RNF130: variants seen among roughly 807,000 people sequenced by gnomAD.
RNF130 encodes E3 ubiquitin-protein ligase RNF130.
RNF130 carries 21 observed loss-of-function variants against 44.6 expected under a neutral mutation model. That is an observed-to-expected ratio of 0.47 (90% CI 0.33 to 0.68). The LOEUF (loss-of-function observed/expected upper bound fraction) is 0.68, where lower values mean the gene tolerates loss of function less well. Ranked by LOEUF, RNF130 falls within the 30% of genes least tolerant of loss-of-function variation. The pLI, the probability that RNF130 is intolerant of heterozygous loss-of-function variation, is 0.02. For missense variants in RNF130, 479 were observed against 560.6 expected (o/e 0.85, Z 1.47); for synonymous variants, 214 against 210.4 (o/e 1.02, Z -0.15).
At chr5:179,918,993 CTTCG>C in exon 8 of RNF130, 1 of 152,352 alleles carries the variant, frequency 6.6e-6, no homozygotes, top group Admixed American at 6.5e-5. Flanking sequence ...CACGCATCTG[CTTCG>C]TTTGCTGTCG....
intron 3 of RNF130, among the ~76,000 whole-genome samples, chr5:180,012,465 CG>C (rs35013583): frequency 6.6e-6 from 1 of 152,082 alleles, no homozygotes; most frequent in African/African-American, 2.4e-5. Flanking sequence ...GCCCTCACAC[CG>C]GGGAAGCACA....
downstream of RNF130, among the ~76,000 whole-genome samples, chr5:179,951,928 A>G (rs1411568967): frequency 6.6e-6 from 1 of 152,194 alleles, no homozygotes; most frequent in Non-Finnish European, 1.5e-5. Context: ...GGAAATTTAT[A>G]GCTATAAACA....
At chr5:179,929,747 CA>C (rs34934872) in intron 7 of RNF130, among the ~76,000 whole-genome samples, 30 of 147,940 alleles carry the variant, frequency 2.0e-4, no homozygotes, top group Middle Eastern at 3.5e-3. Context: ...GACTGTGTCT[CA>C]AAAAAAAAAA....
At chr5:179,947,012 T>C (rs1248443672) in intron 7 of RNF130, among the ~76,000 whole-genome samples, 1 of 152,138 alleles carries the variant, frequency 6.6e-6, no homozygotes, top group Non-Finnish European at 1.5e-5. Flanking sequence ...AACACCTCTC[T>C]CCCTGAGGAT....
intron 1 of RNF130, among the ~76,000 whole-genome samples, chr5:180,065,971 T>C (rs1765098211): frequency 6.6e-6 from 1 of 152,320 alleles, no homozygotes; most frequent in Admixed American, 6.5e-5. Context: ...GCAGACTTTA[T>C]AAAATTATTC....
chr5:180,016,109 C>T (rs1221464188), intron 2 of RNF130, among the ~76,000 whole-genome samples: 4 of 151,354 alleles, frequency 2.6e-5, no homozygotes, highest in African/African-American at 4.9e-5. Flanking sequence ...CCGACCCTGC[C>T]GATCGGGCAG....
intron 7 of RNF130, among the ~76,000 whole-genome samples, chr5:179,935,976 C>T (rs1046406910): frequency 5.9e-5 from 9 of 152,298 alleles, no homozygotes; most frequent in South Asian, 2.1e-4. Flanking sequence ...TCTCACACAT[C>T]GAGCAGCACT....
exon 8 of RNF130, chr5:179,919,809 C>T (rs1320634539): frequency 6.5e-6 from 1 of 153,042 alleles, no homozygotes; most frequent in Non-Finnish European, 1.5e-5. Flanking sequence ...CTCTCAACCC[C>T]CTTTAGAAGG....
At chr5:180,042,636 T>C (rs887171840) in intron 1 of RNF130, among the ~76,000 whole-genome samples, 3 of 152,246 alleles carry the variant, frequency 2.0e-5, no homozygotes, top group Non-Finnish European at 4.4e-5. Context: ...TGTCTAATAC[T>C]GTATCCAAAC....
intron 1 of RNF130, among the ~76,000 whole-genome samples, chr5:180,053,804 C>T (rs1764740632): frequency 6.7e-6 from 1 of 149,262 alleles, no homozygotes; most frequent in African/African-American, 2.5e-5. Flanking sequence ...AGTGCAGAGA[C>T]TGTAAAAAAG....
intron 3 of RNF130, among the ~76,000 whole-genome samples, chr5:180,003,644 T>C (rs1395305778): frequency 6.6e-6 from 1 of 152,238 alleles, no homozygotes; most frequent in African/African-American, 2.4e-5. Flanking sequence ...TCTATGTATG[T>C]GTGTACAATT....
intron 5 of RNF130, among the ~76,000 whole-genome samples, chr5:179,971,700 A>G (rs1399889985): frequency 1.3e-5 from 2 of 152,208 alleles, no homozygotes; most frequent in Non-Finnish European, 2.9e-5. Context: ...TAAGATGCCA[A>G]ATTGAATCAT....
chr5:179,955,639 C>G lies in RNF130; in HGVS notation c.*15G>C. The G allele has an allele frequency of 1.9e-6, 3 of 1,582,146 alleles. No homozygotes were observed. Among genetic ancestry groups the G allele is most frequent in the Non-Finnish European group, 2.6e-6 (3 of 1,165,162 alleles). ...CTTCAAGGCAAAATCAGTCAGAAAG[C>G]AGGTTTTTTCTTCTTCAAAACCATT... On this transcript the variant is annotated 3_prime_UTR_variant, in exon 9 of 9. Coordinates refer to ENST00000521389, the MANE Select transcript of RNF130 (RefSeq NM_018434.6).
At chr5:180,018,301 AAAAAAAAGAAAAGAAAAG>A (rs1328866290) in intron 2 of RNF130, among the ~76,000 whole-genome samples, 1 of 151,948 alleles carries the variant, frequency 6.6e-6, no homozygotes, top group Non-Finnish European at 1.5e-5. Context: ...TCTCAAAAAA[AAAAAAAAGAAAAGAAAAG>A]AAAAAAAGAA....
chr5:180,027,164 C>T (rs1464737298), intron 2 of RNF130, among the ~76,000 whole-genome samples: 3 of 152,056 alleles, frequency 2.0e-5, no homozygotes, highest in African/African-American at 4.8e-5. Context: ...AAGCACGGGT[C>T]TCTGGGTCCA....
At chr5:180,062,150 G>A (rs571259518) in intron 1 of RNF130, among the ~76,000 whole-genome samples, 122 of 151,540 alleles carry the variant, frequency 8.1e-4, no homozygotes, top group Middle Eastern at 3.4e-3. Flanking sequence ...TGCCTCCCAG[G>A]TTCAAGCAAT....
chr5:179,919,135 G>C (rs1761592025), exon 8 of RNF130: 1 of 152,264 alleles, frequency 6.6e-6, no homozygotes, highest in African/African-American at 2.4e-5. Flanking sequence ...TTTGCAAAGA[G>C]GGTGTGCAGA....
intron 7 of RNF130, among the ~76,000 whole-genome samples, chr5:179,921,077 C>T (rs1428356675): frequency 6.6e-6 from 1 of 152,114 alleles, no homozygotes; most frequent in East Asian, 1.9e-4. Flanking sequence ...CTGAGCTGTG[C>T]TTACATTTCC....
chr5:179,925,762 G>A (rs1249527261), intron 7 of RNF130, among the ~76,000 whole-genome samples: 1 of 152,020 alleles, frequency 6.6e-6, no homozygotes, highest in Admixed American at 6.6e-5. Context: ...CAAATCCCTG[G>A]GCTTAAGCCA....
Sources: allele counts gnomAD v4.1 joint callset (sites outside exome capture counted in the v4.1 genomes callset), GRCh38; gene constraint gnomAD v4.1.1; transcripts MANE v1.5; gene names NCBI Gene and HGNC (gene_info 2026-07-23, HGNC 2026-07-21).